The following DDX60L variants were observed in gnomAD, a reference collection of about 807,000 sequenced individuals.
The protein encoded by DDX60L is DExD/H-box 60 like.
A neutral mutation model predicts 211.6 loss-of-function variants in DDX60L; 191 were observed. That is an observed-to-expected ratio of 0.90 (90% CI 0.80 to 1.02). The LOEUF is 1.02. Among genes scored for constraint, DDX60L ranks in the 50% least tolerant of loss-of-function variants. DDX60L has a pLI of 0.00. For missense variants in DDX60L, 2,007 were observed against 1,984.1 expected (o/e 1.01, Z -0.22); for synonymous variants, 706 against 694.1 (o/e 1.02, Z -0.27).
intron 29 of DDX60L, among the ~76,000 whole-genome samples, chr4:168,387,713 T>C (rs990787818): frequency 6.6e-6 from 1 of 152,166 alleles, no homozygotes; most frequent in Admixed American, 6.5e-5. Flanking sequence ...GGACGATCTG[T>C]GTAATAGATT....
chr4:168,390,192 T>C (rs557260576), intron 29 of DDX60L: 17 of 1,009,520 alleles, frequency 1.7e-5, no homozygotes, highest in East Asian at 1.9e-4. Context: ...TTGTGGTCCA[T>C]AGTAAATAAA....
intron 23 of DDX60L, 70 bp downstream of exon 23, chr4:168,406,532 G>A: frequency 1.8e-6 from 2 of 1,099,300 alleles, no homozygotes; most frequent in Admixed American, 2.1e-5. Context: ...TACCTGTAGA[G>A]TAATTTTGCT....
rs1401481747 is a variant in DDX60L, at chr4:168,462,056, G to T, written c.265-16C>A. The T allele has an allele frequency of 6.5e-7, 1 of 1,527,194 alleles. No individual in the cohort carries two copies. Among genetic ancestry groups the T allele is most frequent in the South Asian group, 1.2e-5 (1 of 82,332 alleles). The allele number at this position is 1,527,194 out of a possible 1,614,324, so 94.6% of individuals were successfully genotyped here. On this transcript the variant is annotated splice_polypyrimidine_tract_variant and intron_variant, in intron 4 of 37. Transcript: ENST00000682922. ...ATTCAGCATCCTGTGGTGAGAAAAA[G>T]AAACAAGCACATCATTTTCAAATCT...
chr4:168,420,405 T>C, intron 17 of DDX60L, 25 bp from the exon 18 acceptor site: 2 of 1,592,068 alleles, frequency 1.3e-6, no homozygotes. Context: ...AAAAAACCAT[T>C]AGTCACTTAG....
intron 5 of DDX60L, among the ~76,000 whole-genome samples, chr4:168,459,814 A>AGGAAGGAAGGAC (rs1273774123): frequency 7.7e-6 from 1 of 130,112 alleles, no homozygotes; most frequent in South Asian, 2.9e-4. Context: ...GAAGGAAGGA[A>AGGAAGGAAGGAC]GGAGGGAAGG....
chr4:168,390,317 GAGAA>G, intron 29 of DDX60L: 8 of 1,148,918 alleles, frequency 7.0e-6, no homozygotes, highest in Non-Finnish European at 7.5e-6. Flanking sequence ...ACATGAAAAA[GAGAA>G]AGACTGAAAA....
At chr4:168,473,931 A>G (rs910928036) in intron 1 of DDX60L, among the ~76,000 whole-genome samples, 1 of 152,208 alleles carries the variant, frequency 6.6e-6, no homozygotes, top group Non-Finnish European at 1.5e-5. Context: ...ATTTATAGCC[A>G]AAGTAAGTAC....
At chr4:168,390,219 C>T in intron 29 of DDX60L, 2 of 1,034,668 alleles carry the variant, frequency 1.9e-6, no homozygotes, top group Non-Finnish European at 2.3e-6. Context: ...TGGATTTCTT[C>T]CAAACTAGTG....
intron 31 of DDX60L, 98 bp downstream of exon 31, chr4:168,379,625 TATC>T: frequency 8.4e-7 from 1 of 1,189,804 alleles, no homozygotes; most frequent in Non-Finnish European, 1.2e-6. Context: ...TAAGTAACAT[TATC>T]ATTGAATGCA....
chr4:168,435,244 A>T (rs1752879811), intron 10 of DDX60L, among the ~76,000 whole-genome samples: 1 of 152,166 alleles, frequency 6.6e-6, no homozygotes, highest in African/African-American at 2.4e-5. Flanking sequence ...ATACTCAGCA[A>T]CTCAACACAT....
intron 29 of DDX60L, among the ~76,000 whole-genome samples, chr4:168,385,742 T>G (rs1041553870): frequency 4.6e-5 from 7 of 152,168 alleles, no homozygotes; most frequent in African/African-American, 7.2e-5. Context: ...TTGATTGTAG[T>G]GATTATTATA....
chr4:168,467,803 A>C (rs1376570181), intron 4 of DDX60L, among the ~76,000 whole-genome samples: 5 of 152,236 alleles, frequency 3.3e-5, no homozygotes, highest in Non-Finnish European at 5.9e-5. Context: ...ATAGAAGAGG[A>C]AAATGGACTT....
chr4:168,388,071 A>C (rs530275229), intron 29 of DDX60L, among the ~76,000 whole-genome samples: 2 of 152,382 alleles, frequency 1.3e-5, no homozygotes, highest in East Asian at 3.9e-4. Context: ...TCAGTTCCAC[A>C]AATACCTTCA....
intron 29 of DDX60L, among the ~76,000 whole-genome samples, chr4:168,386,523 A>G (rs1381605279): frequency 1.3e-5 from 2 of 151,896 alleles, no homozygotes; most frequent in Admixed American, 6.6e-5. Context: ...AGTGAGGTAC[A>G]GAGTATTGTC....
chr4:168,372,602 G>A (rs971354735), intron 35 of DDX60L, among the ~76,000 whole-genome samples: 6 of 151,854 alleles, frequency 4.0e-5, no homozygotes, highest in African/African-American at 9.7e-5. Flanking sequence ...TGGCACGTGC[G>A]TGTAGTTCCA....
chr4:168,364,674 C>A (rs370440990), intron 36 of DDX60L, among the ~76,000 whole-genome samples: 2 of 152,108 alleles, frequency 1.3e-5, no homozygotes, highest in African/African-American at 4.8e-5. Flanking sequence ...GGCCACTGTG[C>A]CTGGCTGATA....
chr4:168,363,017 A>G (rs1018167105), intron 36 of DDX60L, among the ~76,000 whole-genome samples: 10 of 152,210 alleles, frequency 6.6e-5, no homozygotes, highest in African/African-American at 2.4e-4. Context: ...CATTATAACC[A>G]AACTGTCAAA....
intron 28 of DDX60L, among the ~76,000 whole-genome samples, chr4:168,392,127 C>CA (rs1579332790): frequency 6.6e-6 from 1 of 152,164 alleles, no homozygotes; most frequent in East Asian, 1.9e-4. Context: ...ACAAATTTTC[C>CA]TTAAGATAGG....
intron 32 of DDX60L, among the ~76,000 whole-genome samples, chr4:168,379,105 C>T (rs542150372): frequency 5.3e-5 from 8 of 152,168 alleles, no homozygotes; most frequent in Non-Finnish European, 1.5e-5. Context: ...TCTTTCTATG[C>T]TTCTCCGTTT....
Sources: gnomAD v4.1 joint callset for allele counts (sites outside exome capture counted in the v4.1 genomes callset) on GRCh38, gnomAD v4.1.1 for gene constraint, MANE v1.5 for transcripts, NCBI Gene and HGNC (gene_info 2026-07-23, HGNC 2026-07-21) for gene names.